The following ZNF423 variants were observed in gnomAD, a reference collection of about 807,000 sequenced individuals.
ZNF423 encodes the protein zinc finger protein 423.
In ZNF423, 12 loss-of-function variants were observed where a neutral mutation model predicts 95.8. That is an observed-to-expected ratio of 0.13 (90% confidence interval 0.08 to 0.20). ZNF423 has a LOEUF of 0.20. Ranked by LOEUF, ZNF423 falls within the 10% of genes least tolerant of loss-of-function variation. ZNF423 has a pLI of 1.00. For missense variants in ZNF423, 1,316 were observed against 1,737.1 expected (o/e 0.76, Z 4.31); for synonymous variants, 749 against 711.9 (o/e 1.05, Z -0.83).
In ZNF423 at chr16:49,679,418, C is replaced by T. The variant is rs8055110; in HGVS notation, c.302-40544G>A. ...CCCCCCTCTCCTGTCCTCACAGGCT[C>T]GGAAGTGCCTGCTCCTGCTGCCTGG... On this transcript the variant is annotated intron_variant, in intron 3 of 7. Transcript: ENST00000563137. Among the ~76,000 whole-genome samples, 895 of 152,336 alleles carry T rather than the reference C, an allele frequency of 5.9e-3. 11 individuals carry two copies. Among genetic ancestry groups the T allele is most frequent in the African/African-American group, 0.02 (820 of 41,570 alleles).
intron 1 of ZNF423, among the ~76,000 whole-genome samples, chr16:49,820,917 C>T (rs1597040603): frequency 1.3e-5 from 2 of 152,182 alleles, no homozygotes; most frequent in African/African-American, 4.8e-5. Context: ...CATATGTCCA[C>T]AAAATGTTTC....
intron 2 of ZNF423, among the ~76,000 whole-genome samples, chr16:49,752,802 T>C (rs2033656511): frequency 6.6e-6 from 1 of 152,130 alleles, no homozygotes; most frequent in Admixed American, 6.5e-5. Flanking sequence ...TCATTCAAGG[T>C]AACAGAGAGG....
chr16:49,789,108 G>A (rs1380893076), intron 2 of ZNF423, among the ~76,000 whole-genome samples: 1 of 152,074 alleles, frequency 6.6e-6, no homozygotes, highest in Non-Finnish European at 1.5e-5. Context: ...AGGGAAAGAG[G>A]AATTCTGATG....
chr16:49,792,906 C>T (rs1016895806), intron 1 of ZNF423, among the ~76,000 whole-genome samples: 1 of 151,904 alleles, frequency 6.6e-6, no homozygotes, highest in Non-Finnish European at 1.5e-5. Flanking sequence ...AGACTATAAG[C>T]GTGTGCCACT....
At chr16:49,534,544 C>T (rs927380056) in intron 5 of ZNF423, among the ~76,000 whole-genome samples, 5 of 152,204 alleles carry the variant, frequency 3.3e-5, no homozygotes, top group African/African-American at 9.6e-5. Flanking sequence ...TGAGCTACCA[C>T]GCCCAGCCTG....
At chr16:49,652,932 A>C (rs1824833532) in intron 3 of ZNF423, among the ~76,000 whole-genome samples, 1 of 152,162 alleles carries the variant, frequency 6.6e-6, no homozygotes, top group African/African-American at 2.4e-5. Flanking sequence ...ATTCATTATA[A>C]ATGAAAGGAG....
intron 5 of ZNF423, among the ~76,000 whole-genome samples, chr16:49,600,652 G>C (rs1048185828): frequency 2.0e-5 from 3 of 152,270 alleles, no homozygotes; most frequent in East Asian, 3.9e-4. Flanking sequence ...CTCTCTCGTG[G>C]GGAGCAGGAA....
At chr16:49,552,431 A>AG (rs1241032036) in intron 5 of ZNF423, among the ~76,000 whole-genome samples, 8 of 152,146 alleles carry the variant, frequency 5.3e-5, no homozygotes, top group Non-Finnish European at 1.0e-4. Flanking sequence ...GACAGGGTGG[A>AG]GGGGGGCAAG....
intron 7 of ZNF423, among the ~76,000 whole-genome samples, chr16:49,491,653 T>C (rs957391184): frequency 1.3e-5 from 2 of 151,776 alleles, no homozygotes; most frequent in Admixed American, 1.3e-4. Flanking sequence ...AACATCCCTG[T>C]TCACCTCTCC....
At chr16:49,523,858 C>G in intron 6 of ZNF423, 119 bp from the exon 7 acceptor site, 1 of 751,538 alleles carries the variant, frequency 1.3e-6, no homozygotes. Flanking sequence ...GTCAGCCAAA[C>G]AGTGGGCTAC....
At chr16:49,496,318 G>A (rs1326027039) in intron 7 of ZNF423, among the ~76,000 whole-genome samples, 1 of 152,234 alleles carries the variant, frequency 6.6e-6, no homozygotes, top group Non-Finnish European at 1.5e-5. Flanking sequence ...GTTGAAATGG[G>A]ATCCCCAGTG....
chr16:49,514,054 C>A (rs1968019153), intron 7 of ZNF423, among the ~76,000 whole-genome samples: 1 of 151,720 alleles, frequency 6.6e-6, no homozygotes, highest in Admixed American at 6.6e-5. Context: ...TCTGAGAACA[C>A]CCCAAATCTG....
At chr16:49,795,747 C>T (rs1597016671) in intron 1 of ZNF423, among the ~76,000 whole-genome samples, 2 of 152,190 alleles carry the variant, frequency 1.3e-5, no homozygotes, top group Non-Finnish European at 2.9e-5. Context: ...CTGGGATAAT[C>T]CCCCCAAGCT....
At chr16:49,634,170 T>C (rs1972600463) in intron 4 of ZNF423, among the ~76,000 whole-genome samples, 1 of 149,180 alleles carries the variant, frequency 6.7e-6, no homozygotes, top group Non-Finnish European at 1.5e-5. Context: ...CCTCCCAAAG[T>C]GCTGGGATTA....
At chr16:49,591,308 C>T (rs529851422) in intron 5 of ZNF423, among the ~76,000 whole-genome samples, 1 of 151,840 alleles carries the variant, frequency 6.6e-6, no homozygotes, top group African/African-American at 2.4e-5. Context: ...ATTATAAGTC[C>T]ACCACAAACT....
At chr16:49,579,386 C>A (rs1970596417) in intron 5 of ZNF423, among the ~76,000 whole-genome samples, 1 of 152,154 alleles carries the variant, frequency 6.6e-6, no homozygotes, top group African/African-American at 2.4e-5. Flanking sequence ...AGTCACTCCA[C>A]TTCCCTTCCC....
rs1410550330 is a variant in ZNF423, at chr16:49,490,674, C to G, written c.*601G>C. ...AGTCAGATTAAGTCACATTTAAAAG[C>G]AGACCATCCAGTTGCACTGAAACCG... On this transcript the variant is annotated 3_prime_UTR_variant, in exon 8 of 8. Coordinates refer to ENST00000563137, the MANE Select transcript of ZNF423 (RefSeq NM_001379286.1). 1 of 154,294 alleles carries G rather than the reference C, an allele frequency of 6.5e-6. No individual in the cohort carries two copies. Among genetic ancestry groups the G allele is most frequent in the African/African-American group, 2.4e-5 (1 of 41,436 alleles). 9.6% of individuals were successfully genotyped at this position (154,294 alleles called of 1,614,324 possible).
At chr16:49,695,569 A>T (rs1198925967) in intron 3 of ZNF423, among the ~76,000 whole-genome samples, 1 of 152,250 alleles carries the variant, frequency 6.6e-6, no homozygotes, top group African/African-American at 2.4e-5. Context: ...CTGGGATTAC[A>T]GGCGTTAGCC....
At chr16:49,710,552 ACTCCATCCCTGCATCCT>A (rs1438272221) in intron 3 of ZNF423, among the ~76,000 whole-genome samples, 1 of 151,904 alleles carries the variant, frequency 6.6e-6, no homozygotes, top group African/African-American at 2.4e-5. Flanking sequence ...AGTGAGGGAG[ACTCCATCCCTGCATCCT>A]CTCCATCCCC....
Sources: allele counts gnomAD v4.1 joint callset (sites outside exome capture counted in the v4.1 genomes callset), GRCh38; gene constraint gnomAD v4.1.1; transcripts MANE v1.5; gene names NCBI Gene and HGNC (gene_info 2026-07-23, HGNC 2026-07-21).